HHIP: variants seen among roughly 807,000 people sequenced by gnomAD.
HHIP encodes hedgehog-interacting protein.
A neutral mutation model predicts 74.0 loss-of-function variants in HHIP; 12 were observed. That is an observed-to-expected ratio of 0.16 (90% CI 0.10 to 0.26). The LOEUF is 0.26. Ranked by LOEUF, HHIP falls within the 10% of genes least tolerant of loss-of-function variation. HHIP has a pLI of 1.00. For synonymous variants in HHIP, 309 were observed against 311.6 expected (o/e 0.99, Z 0.09); for missense variants, 788 against 845.0 (o/e 0.93, Z 0.84).
chr4:144,728,761 TGA>T (rs1280375442), intron 11 of HHIP, among the ~76,000 whole-genome samples: 1 of 152,158 alleles, frequency 6.6e-6, no homozygotes, highest in African/African-American at 2.4e-5. Flanking sequence ...GAAGTCCCAA[TGA>T]GATCAATATT....
chr4:144,678,848 G>A (rs757932153), intron 4 of HHIP, among the ~76,000 whole-genome samples: 11 of 152,270 alleles, frequency 7.2e-5, no homozygotes, highest in Non-Finnish European at 1.2e-4. Context: ...ATAAACATAC[G>A]TGTGCATGTG....
chr4:144,708,333 C>G, intron 7 of HHIP, 22 bp downstream of exon 7: 1 of 1,613,572 alleles, frequency 6.2e-7, no homozygotes, highest in Non-Finnish European at 8.5e-7. Context: ...AGTCTGTCTT[C>G]TCACTGGCTT....
chr4:144,674,967 T>G (rs953302654), intron 4 of HHIP, among the ~76,000 whole-genome samples: 4 of 152,190 alleles, frequency 2.6e-5, no homozygotes, highest in South Asian at 4.1e-4. Flanking sequence ...AACCTTTGTG[T>G]TTCTAATTCT....
chr4:144,664,676 C>A (rs1172365303), intron 4 of HHIP, among the ~76,000 whole-genome samples: 1 of 152,108 alleles, frequency 6.6e-6, no homozygotes, highest in Non-Finnish European at 1.5e-5. Context: ...ACAAATGCTT[C>A]CCCAGAAAAA....
intron 11 of HHIP, among the ~76,000 whole-genome samples, chr4:144,729,081 A>G (rs1684712749): frequency 6.6e-6 from 1 of 152,180 alleles, no homozygotes; most frequent in South Asian, 2.1e-4. Flanking sequence ...ACTGCCTTTG[A>G]GAAAGGCACT....
chr4:144,699,571 C>T (rs1202805856), intron 4 of HHIP, among the ~76,000 whole-genome samples: 1 of 152,066 alleles, frequency 6.6e-6, no homozygotes, highest in African/African-American at 2.4e-5. Context: ...ATGGTGGGTT[C>T]CTCTGGCTGC....
chr4:144,706,718 C>T (rs202087787), intron 5 of HHIP, 36 bp downstream of exon 5: 8 of 1,549,148 alleles, frequency 5.2e-6, no homozygotes, highest in Non-Finnish European at 7.0e-6. Flanking sequence ...AGAAATTTCT[C>T]ATCTTATTTT....
chr4:144,703,741 C>T (rs890211278), intron 4 of HHIP, among the ~76,000 whole-genome samples: 1 of 152,126 alleles, frequency 6.6e-6, no homozygotes, highest in African/African-American at 2.4e-5. Context: ...GCTCCAGGCA[C>T]CAACGTCCAG....
intron 4 of HHIP, among the ~76,000 whole-genome samples, chr4:144,699,244 T>A (rs1729909735): frequency 6.6e-6 from 1 of 152,186 alleles, no homozygotes; most frequent in African/African-American, 2.4e-5. Flanking sequence ...CCTTGGTAAT[T>A]CACTAGAATG....
intron 4 of HHIP, among the ~76,000 whole-genome samples, chr4:144,670,598 A>G (rs942540857): frequency 4.0e-5 from 6 of 151,546 alleles, no homozygotes; most frequent in African/African-American, 1.5e-4. Context: ...CAGACCACAA[A>G]CTTTCATAAA....
At chr4:144,712,649 A>G (rs536464241) in intron 8 of HHIP, among the ~76,000 whole-genome samples, 77 of 152,322 alleles carry the variant, frequency 5.1e-4, no homozygotes, top group Middle Eastern at 3.4e-3. Flanking sequence ...GTAAAAATAT[A>G]AAGTTGGATA....
chr4:144,653,679 C>T (rs902660462), intron 2 of HHIP, among the ~76,000 whole-genome samples: 2 of 151,968 alleles, frequency 1.3e-5, no homozygotes, highest in Admixed American at 6.6e-5. Context: ...CTTTAAGAAC[C>T]GTAGAATGCA....
At chr4:144,653,447 G>A (rs1284530176) in intron 2 of HHIP, among the ~76,000 whole-genome samples, 1 of 152,118 alleles carries the variant, frequency 6.6e-6, no homozygotes, top group Non-Finnish European at 1.5e-5. Context: ...TGCATATAGT[G>A]TCATGAACAT....
At chr4:144,707,940 C>T (rs910145352) in intron 6 of HHIP, among the ~76,000 whole-genome samples, 3 of 152,010 alleles carry the variant, frequency 2.0e-5, no homozygotes, top group Admixed American at 6.6e-5. Context: ...GATGGAGTCT[C>T]GCTATGTTGC....
Position 144,646,941 on chromosome 4 carries a change from G to T in HHIP, c.266G>T (p.Arg89Leu), listed in dbSNP as rs1191534431. The T allele has an allele frequency of 2.5e-6, 4 of 1,609,038 alleles. No homozygotes were observed. The highest frequency in any genetic ancestry group is 2.2e-5 in the East Asian group (1 of 44,818). The change falls in exon 1 of 13, where the codon CGC becomes CTC. Residue 89 changes from arginine to leucine, a missense_variant. This residue lies in a region of HHIP where 373 missense variants were observed against 366.4 expected (regional missense o/e 1.02). Transcript: ENST00000296575. ...CGGAGTGACAGCCCGGGGCTAGGGC[G>T]CCTGGAGAATAAGGTAGGCACTCAC... Reference protein sequence around the residue: ...CLRSDSPGLGRLENKIFSVTN... With the variant: ...CLRSDSPGLGLLENKIFSVTN...
intron 4 of HHIP, among the ~76,000 whole-genome samples, chr4:144,673,649 G>T (rs915210626): frequency 2.0e-5 from 3 of 152,024 alleles, no homozygotes; most frequent in African/African-American, 7.2e-5. Context: ...AAGTCAGAGA[G>T]GATTAAAATG....
chr4:144,654,130 A>T (rs1423084331), intron 2 of HHIP, among the ~76,000 whole-genome samples: 1 of 152,120 alleles, frequency 6.6e-6, no homozygotes, highest in South Asian at 2.1e-4. Context: ...GATAACTACA[A>T]CATGCTAGAT....
At chr4:144,670,287 C>G (rs1728996686) in intron 4 of HHIP, among the ~76,000 whole-genome samples, 2 of 151,594 alleles carry the variant, frequency 1.3e-5, no homozygotes, top group Admixed American at 6.6e-5. Context: ...ATAGTGAAAC[C>G]CCGTCTCTAA....
In HHIP at chr4:144,652,802, GAAAAA is replaced by G. The variant is rs3215015; in HGVS notation, c.472+10_472+14del. On this transcript the variant is annotated splice_donor_region_variant and intron_variant, in intron 2 of 12. Coordinates refer to ENST00000296575, the MANE Select transcript of HHIP (RefSeq NM_022475.3). Reference sequence around the variant, plus strand: ...CTTGCCGAGGCCATATTCCAGGTAAGAAAAAAAAATGCATAAGTAAAATAAACCAC... The same window carrying G: ...CTTGCCGAGGCCATATTCCAGGTAAGAAAATGCATAAGTAAAATAAACCAC... 1 of 1,530,010 alleles carries G rather than the reference GAAAAA, an allele frequency of 6.5e-7. No individual in the cohort carries two copies. Among genetic ancestry groups the G allele is most frequent in the Non-Finnish European group, 8.8e-7 (1 of 1,132,976 alleles). 94.8% of individuals were successfully genotyped at this position (1,530,010 alleles called of 1,614,324 possible). A position where few individuals can be genotyped will look rare whatever the true frequency, so the allele number is the denominator to read the frequency against.
Sources: allele counts gnomAD v4.1 joint callset (sites outside exome capture counted in the v4.1 genomes callset), GRCh38; gene constraint gnomAD v4.1.1; regional missense constraint gnomAD v4.1.1; transcripts MANE v1.5; gene names NCBI Gene and HGNC (gene_info 2026-07-23, HGNC 2026-07-21).